The following SYNPR variants were observed in gnomAD, a reference collection of about 807,000 sequenced individuals.
The protein encoded by SYNPR is synaptoporin.
SYNPR carries 23 observed loss-of-function variants against 32.9 expected under a neutral mutation model. The observed-to-expected ratio is 0.70, with a 90% CI of 0.50 to 0.99. The LOEUF (loss-of-function observed/expected upper bound fraction) is 0.99. Among genes scored for constraint, SYNPR ranks in the 50% least tolerant of loss-of-function variants. The pLI is 0.00. For synonymous variants in SYNPR, 146 were observed against 135.9 expected (o/e 1.07, Z -0.52); for missense variants, 318 against 349.3 (o/e 0.91, Z 0.71).
chr3:63,526,896 G>C (rs1702023045), intron 3 of SYNPR, among the ~76,000 whole-genome samples: 1 of 152,168 alleles, frequency 6.6e-6, no homozygotes, highest in East Asian at 1.9e-4. Flanking sequence ...AGCTCAGATG[G>C]TGAGTGGGAT....
At chr3:63,549,422 C>T (rs1347397705) in intron 3 of SYNPR, among the ~76,000 whole-genome samples, 1 of 152,156 alleles carries the variant, frequency 6.6e-6, no homozygotes, top group Non-Finnish European at 1.5e-5. Flanking sequence ...GTGTAGGCTC[C>T]TTCTACTCTT....
intron 1 of SYNPR, among the ~76,000 whole-genome samples, chr3:63,239,527 GTGT>G (rs371066178): frequency 1.3e-3 from 73 of 55,724 alleles, no homozygotes; most frequent in Non-Finnish European, 1.5e-3. Flanking sequence ...GATATCAGGT[GTGT>G]CAGGCACCCA....
At chr3:63,355,694 CA>C (rs1184041925) in intron 2 of SYNPR, among the ~76,000 whole-genome samples, 1 of 149,840 alleles carries the variant, frequency 6.7e-6, no homozygotes, top group Non-Finnish European at 1.5e-5. Context: ...CCCAGTGCTT[CA>C]GTACTCTGGC....
chr3:63,500,150 C>T (rs1165912585), intron 3 of SYNPR, among the ~76,000 whole-genome samples: 1 of 152,116 alleles, frequency 6.6e-6, no homozygotes, highest in Non-Finnish European at 1.5e-5. Context: ...TGCATACCAC[C>T]TGGACTATTT....
At chr3:63,573,331 G>T (rs985185999) in intron 4 of SYNPR, among the ~76,000 whole-genome samples, 1 of 152,136 alleles carries the variant, frequency 6.6e-6, no homozygotes, top group Non-Finnish European at 1.5e-5. Context: ...ACTTGCACCT[G>T]TCCATTCTAC....
rs184743052 is a variant in SYNPR at position 63,266,529 on chromosome 3, C to T, written n.155-788C>T. On this transcript the variant is annotated intron_variant and non_coding_transcript_variant, in intron 2 of 4. Transcript: ENST00000478456. The stretch of plus-strand genomic sequence containing the variant: ...ACCAGCCTGACCAACATGGTGAAAC[C>T]GCATCTCTACTAAAAATACAAAAAA... Among the ~76,000 whole-genome samples the T allele has an allele frequency of 9.6e-4, 146 of 151,670 alleles. 1 individual carries two copies. Among genetic ancestry groups the T allele is most frequent in the African/African-American group, 3.3e-3 (138 of 41,390 alleles).
At chr3:63,557,859 CA>C (rs58794997) in intron 4 of SYNPR, among the ~76,000 whole-genome samples, 1 of 152,022 alleles carries the variant, frequency 6.6e-6, no homozygotes, top group Non-Finnish European at 1.5e-5. Flanking sequence ...TAATGTTTAT[CA>C]AAAAAAGTAT....
intron 2 of SYNPR, among the ~76,000 whole-genome samples, chr3:63,393,491 C>CTTTT (rs1482584312): frequency 3.7e-4 from 43 of 116,612 alleles, no homozygotes; most frequent in African/African-American, 1.5e-3. Context: ...TTCTTTCTTT[C>CTTTT]TTCTCTTTTT....
the SYNPR span, among the ~76,000 whole-genome samples, chr3:63,202,395 T>A: frequency 6.6e-6 from 1 of 152,150 alleles, no homozygotes; most frequent in South Asian, 2.1e-4. Flanking sequence ...TCAGGGAAGA[T>A]CTCTCAAATG....
intron 2 of SYNPR, among the ~76,000 whole-genome samples, chr3:63,282,131 T>A (rs1022346240): frequency 6.6e-6 from 1 of 152,240 alleles, no homozygotes; most frequent in Non-Finnish European, 1.5e-5. Flanking sequence ...CAGTAGATAT[T>A]TGATTCTTCA....
At chr3:63,301,554 C>G (rs773162462) in intron 2 of SYNPR, among the ~76,000 whole-genome samples, 5 of 152,000 alleles carry the variant, frequency 3.3e-5, no homozygotes, top group Non-Finnish European at 7.4e-5. Flanking sequence ...TTTGAAAAAT[C>G]TATTTTGGAC....
chr3:63,573,084 C>T (rs572430264), intron 4 of SYNPR, among the ~76,000 whole-genome samples: 30 of 152,150 alleles, frequency 2.0e-4, no homozygotes, highest in African/African-American at 6.7e-4. Context: ...AGGGGGACAA[C>T]GGATCCATCA....
intron 2 of SYNPR, among the ~76,000 whole-genome samples, chr3:63,439,837 C>T (rs1353320498): frequency 6.6e-6 from 1 of 152,162 alleles, no homozygotes; most frequent in African/African-American, 2.4e-5. Flanking sequence ...TAGGTTTCTT[C>T]ACCACCATCT....
chr3:63,535,613 C>T (rs1702190291), intron 3 of SYNPR, among the ~76,000 whole-genome samples: 1 of 151,462 alleles, frequency 6.6e-6, no homozygotes, highest in Admixed American at 6.6e-5. Flanking sequence ...ACTGGTAGTC[C>T]ATAAATAAAA....
chr3:63,421,191 G>A (rs1425018240), intron 2 of SYNPR, among the ~76,000 whole-genome samples: 1 of 152,010 alleles, frequency 6.6e-6, no homozygotes, highest in African/African-American at 2.4e-5. Context: ...CTTCTAATAG[G>A]CAATTCACAA....
At chr3:63,263,772 G>A (rs2086458939) in intron 2 of SYNPR, among the ~76,000 whole-genome samples, 1 of 152,174 alleles carries the variant, frequency 6.6e-6, no homozygotes, top group South Asian at 2.1e-4. Context: ...CCTAGAAAAA[G>A]CATCTTAAGA....
intron 4 of SYNPR, among the ~76,000 whole-genome samples, chr3:63,576,907 C>T (rs185680056): frequency 1.1e-3 from 166 of 152,204 alleles, no homozygotes; most frequent in African/African-American, 3.9e-3. Context: ...CCTCAGAAAC[C>T]TGTGATCCTT....
At chr3:63,359,872 A>G (rs1262047068) in intron 2 of SYNPR, among the ~76,000 whole-genome samples, 3 of 152,214 alleles carry the variant, frequency 2.0e-5, no homozygotes, top group Non-Finnish European at 4.4e-5. Flanking sequence ...ACTTTGGTAA[A>G]TGTAAGAATT....
chr3:63,540,891 T>TACACACACACACACACACACACAC, intron 3 of SYNPR, among the ~76,000 whole-genome samples: 1 of 122,858 alleles, frequency 8.1e-6, no homozygotes, highest in East Asian at 2.5e-4. Flanking sequence ...CTATCACTCC[T>TACACACACACACACACACACACAC]ACACACACAC....
Sources: allele counts gnomAD v4.1 joint callset (sites outside exome capture counted in the v4.1 genomes callset), GRCh38; gene constraint gnomAD v4.1.1; transcripts MANE v1.5; gene names NCBI Gene and HGNC (gene_info 2026-07-23, HGNC 2026-07-21).